Variants in CFAP46 observed in about 807,000 individuals in gnomAD.
The protein encoded by CFAP46 is cilia- and flagella-associated protein 46.
CFAP46 carries 245 observed loss-of-function variants against 325.7 expected under a neutral mutation model. That is an observed-to-expected ratio of 0.75 (90% confidence interval 0.68 to 0.84). The LOEUF (loss-of-function observed/expected upper bound fraction) is 0.84. Ranked by LOEUF, CFAP46 falls within the 40% of genes least tolerant of loss-of-function variation. CFAP46 has a pLI of 0.00. For missense variants in CFAP46, 3,346 were observed against 3,543.0 expected, an observed-to-expected ratio of 0.94 and a Z score of 1.41; for synonymous variants, 1,523 against 1,495.9, an observed-to-expected ratio of 1.02 and a Z score of -0.42.
chr10:132,938,571 ACGG>A lies in CFAP46; in HGVS notation c.536+15_536+17del. 1 of 1,609,966 alleles carries A rather than the reference ACGG, an allele frequency of 6.2e-7. No homozygotes were observed. Among genetic ancestry groups the A allele is most frequent in the Non-Finnish European group, 8.5e-7 (1 of 1,178,442 alleles). ...GGCCCACCGGGAGGCCACAGAGGGC[ACGG>A]CGAGCTCAACTCACAGCATCAGCTC... On this transcript the variant is annotated intron_variant, in intron 5 of 57. Coordinates refer to ENST00000368586, the MANE Select transcript of CFAP46 (RefSeq NM_001200049.3).
chr10:132,879,673 CG>C, intron 28 of CFAP46, 42 bp from the exon 29 acceptor site: 2 of 1,461,768 alleles, frequency 1.4e-6, no homozygotes, highest in Non-Finnish European at 1.8e-6. Context: ...GGCCCGGCTA[CG>C]GGTCTGTGGG....
rs1591105409 is a variant in CFAP46 at position 132,942,326 on chromosome 10, T to G, written c.49+110A>C. 1.4e-5 allele frequency: 14 copies of G among 1,005,848 alleles called. No homozygotes were observed. In the East Asian group the frequency reaches 4.1e-4, roughly 30 times the overall value. The allele number at this position is 1,005,848 out of a possible 1,614,324, so 62.3% of individuals were successfully genotyped here. On this transcript the variant is annotated intron_variant, in intron 1 of 57. Transcript: ENST00000368586. ...GGCTCCGGCTGTGGCCCTCGAGGGA[T>G]CACCCATTGGGCGGGCTGGGATGAG...
chr10:132,872,804 C>T lies in CFAP46; in HGVS notation c.4383G>A (p.Leu1461=). ...IQKPTYSLYF[L]DHLVKALQKM... is the part of the protein sequence containing the mutation. ...TCTGCAGGGCCTTGACCAGGTGGTCCAGGAAATACAAACTGTATGTCTACA... is the reference window on the plus strand; with the variant it reads ...TCTGCAGGGCCTTGACCAGGTGGTCTAGGAAATACAAACTGTATGTCTACA... Residue 1461 remains leucine (L), a synonymous_variant, in exon 32 of 58, where the codon CTG becomes CTA. Transcript: ENST00000368586. 6.4e-7 allele frequency: 1 copy of T among 1,551,078 alleles called. No individual in the cohort carries two copies. The highest frequency in any genetic ancestry group is 8.7e-7 in the Non-Finnish European group (1 of 1,147,104).
intron 50 of CFAP46, among the ~76,000 whole-genome samples, chr10:132,815,702 C>T (rs2134781286): frequency 6.6e-6 from 1 of 152,280 alleles, no homozygotes; most frequent in Admixed American, 6.5e-5. Context: ...GGGAGGATCG[C>T]TTGAGCCCAG....
chr10:132,885,796 C>G, intron 26 of CFAP46, 25 bp downstream of exon 26: 1 of 1,512,686 alleles, frequency 6.6e-7, no homozygotes, highest in Non-Finnish European at 8.9e-7. Flanking sequence ...AGGGAGCACT[C>G]ACAGGCGGTG....
At chr10:132,883,497 G>A (rs1375709472) in intron 27 of CFAP46, among the ~76,000 whole-genome samples, 5 of 152,300 alleles carry the variant, frequency 3.3e-5, no homozygotes, top group East Asian at 1.9e-4. Context: ...TGGAGAAACC[G>A]CAGCCCACGC....
intron 50 of CFAP46, among the ~76,000 whole-genome samples, chr10:132,826,202 C>T (rs1465109530): frequency 2.0e-5 from 2 of 99,038 alleles, no homozygotes; most frequent in Non-Finnish European, 4.3e-5. Flanking sequence ...CAGGCAGGAG[C>T]CGGAGCCACG....
chr10:132,841,373 G>A (rs536646652), intron 44 of CFAP46, among the ~76,000 whole-genome samples: 12 of 152,236 alleles, frequency 7.9e-5, no homozygotes, highest in South Asian at 2.1e-4. Context: ...GGTCTCTTCC[G>A]ACAGCACCTG....
chr10:132,881,584 C>G (rs994943514), intron 27 of CFAP46, among the ~76,000 whole-genome samples: 1 of 152,140 alleles, frequency 6.6e-6, no homozygotes, highest in Non-Finnish European at 1.5e-5. Context: ...AGAGCAGAGC[C>G]TCAGCCCTGA....
chr10:132,908,679 G>T, intron 21 of CFAP46, 45 bp from the exon 22 acceptor site: 1 of 1,486,734 alleles, frequency 6.7e-7, no homozygotes, highest in Non-Finnish European at 9.0e-7. Context: ...TAGCAACAAC[G>T]AACTTCCCAC....
chr10:132,939,995 CCT>C lies in CFAP46; in HGVS notation c.371+999_371+1000del, dbSNP rs758920503. ...CACCCCCTGACCCGTCCACAGTGCC[CCT>C]GAGGGCCCTGGAGCAGAGCAGCCTC... On this transcript the variant is annotated intron_variant, in intron 4 of 57. Coordinates refer to ENST00000368586, the MANE Select transcript of CFAP46 (RefSeq NM_001200049.3). This position sits in a 1 kb window ranked among gnomAD's most constrained non-coding sequence, Gnocchi z 4.6. 3.9e-5 allele frequency among the ~76,000 whole-genome samples: 6 copies of C among 152,308 alleles called. No homozygotes were observed. In the South Asian group the frequency reaches 8.3e-4, roughly 21 times the overall value.
intron 17 of CFAP46, among the ~76,000 whole-genome samples, 154 bp from the exon 18 acceptor site, chr10:132,913,412 C>T (rs548806088): frequency 1.7e-4 from 26 of 152,260 alleles, no homozygotes; most frequent in African/African-American, 4.6e-4. Context: ...CATTTACAGT[C>T]GCCCCGCCGC....
At chr10:132,894,383 T>C (rs1312749381) in intron 24 of CFAP46, among the ~76,000 whole-genome samples, 1 of 152,180 alleles carries the variant, frequency 6.6e-6, no homozygotes, top group East Asian at 1.9e-4. Context: ...TTCACCACTG[T>C]AAATGCTGTA....
intron 32 of CFAP46, among the ~76,000 whole-genome samples, chr10:132,870,906 C>A (rs767463440): frequency 6.6e-6 from 1 of 152,218 alleles, no homozygotes; most frequent in Admixed American, 6.5e-5. Flanking sequence ...GAAGAAGATG[C>A]CTTCTAGGAC....
Position 132,850,380 on chromosome 10 carries a change from C to A in CFAP46, c.5816G>T (p.Gly1939Val). 1 of 1,574,968 alleles carries A rather than the reference C, an allele frequency of 6.3e-7. No individual in the cohort carries two copies. The highest frequency in any genetic ancestry group is 1.3e-5 in the African/African-American group (1 of 74,116). The change falls in exon 41 of 58, where the codon GGG (glycine) becomes GTG (valine). Residue 1939 changes from glycine (G) to valine (V), a missense_variant. Physicochemically the swap from Gly to Val is moderately radical, Grantham distance 109. Coordinates refer to ENST00000368586, the MANE Select transcript of CFAP46 (RefSeq NM_001200049.3). ...TLAHGALAQL[G>V]SLQPLSVGCV... ...GCCCACGCTCAGCGGCTGCAGGCTC[C>A]CCAGCTGTGCCAGTGCCCCGTGTGC...
In CFAP46 at chr10:132,835,330, C is replaced by T. The variant is rs1591042978; in HGVS notation, c.6718G>A (p.Glu2240Lys). 3.1e-6 allele frequency: 5 copies of T among 1,613,404 alleles called. No homozygotes were observed. Among genetic ancestry groups the T allele is most frequent in the East Asian group, 2.2e-5 (1 of 44,886 alleles). ...RKQTQAQVYS[E>K]DMALNIGSEP... ...GAGCCTATGTTCAGGGCCATGTCCT[C>T]ACTGTACACCTGGGCCTGGGTCTGC... The change falls in exon 47 of 58, where the codon GAG becomes AAG. Residue 2240 changes from glutamate (E) to lysine (K), a missense_variant. Coordinates refer to ENST00000368586, the MANE Select transcript of CFAP46 (RefSeq NM_001200049.3).
At chr10:132,857,080 TG>T (rs1182567191) in intron 39 of CFAP46, among the ~76,000 whole-genome samples, 1 of 152,238 alleles carries the variant, frequency 6.6e-6, no homozygotes, top group African/African-American at 2.4e-5. Context: ...CCAATCCGGC[TG>T]GTGAAGTAGG....
intron 28 of CFAP46, among the ~76,000 whole-genome samples, chr10:132,880,470 C>G (rs1849022709): frequency 6.6e-6 from 1 of 152,216 alleles, no homozygotes; most frequent in South Asian, 2.1e-4. Context: ...GGCTGAGGTG[C>G]CCACAGGGTC....
intron 22 of CFAP46, among the ~76,000 whole-genome samples, chr10:132,902,485 G>T (rs1849404712): frequency 6.6e-6 from 1 of 152,198 alleles, no homozygotes; most frequent in Non-Finnish European, 1.5e-5. Context: ...TCCATTCAGT[G>T]ATTTTATTAT....
Sources: gnomAD v4.1 joint callset for allele counts (sites outside exome capture counted in the v4.1 genomes callset) on GRCh38, gnomAD v4.1.1 for gene constraint, Gnocchi (gnomAD v3.1) non-coding constraint, MANE v1.5 for transcripts, NCBI Gene and HGNC (gene_info 2026-07-23, HGNC 2026-07-21) for gene names.